The following ACSS3 variants were observed in gnomAD, a reference collection of about 807,000 sequenced individuals.
ACSS3 encodes the protein acyl-CoA synthetase short-chain family member 3, mitochondrial.
In ACSS3, 64 loss-of-function variants were observed where a neutral mutation model predicts 84.2. The observed-to-expected ratio is 0.76, with a 90% CI of 0.62 to 0.94. The LOEUF is 0.94. Among genes scored for constraint, ACSS3 ranks in the 40% least tolerant of loss-of-function variants. The probability of loss-of-function intolerance (pLI) is 0.00; values close to 1 mark genes in which losing one functional copy is unlikely to be tolerated. For synonymous variants in ACSS3, 317 were observed against 310.1 expected (o/e 1.02, Z -0.23); for missense variants, 815 against 867.6 (o/e 0.94, Z 0.76).
chr12:81,197,338 C>T (rs562275696), intron 8 of ACSS3, among the ~76,000 whole-genome samples: 5 of 152,236 alleles, frequency 3.3e-5, no homozygotes, highest in South Asian at 2.1e-4. Context: ...CTCACTACTG[C>T]GGTCAAATGC....
At chr12:81,225,764 T>C (rs1249283849) in intron 11 of ACSS3, among the ~76,000 whole-genome samples, 25 of 151,974 alleles carry the variant, frequency 1.6e-4, no homozygotes, top group Admixed American at 1.6e-3. Context: ...TATCCTTGTA[T>C]CGTTAATGTG....
At chr12:81,235,558 C>T (rs917803870) in intron 13 of ACSS3, among the ~76,000 whole-genome samples, 4 of 151,226 alleles carry the variant, frequency 2.6e-5, no homozygotes, top group African/African-American at 9.7e-5. Context: ...TGTGTTAAAT[C>T]CATATATTGA....
chr12:81,084,912 G>T (rs1334667059), intron 1 of ACSS3, among the ~76,000 whole-genome samples: 4 of 152,196 alleles, frequency 2.6e-5, no homozygotes, highest in African/African-American at 9.6e-5. Flanking sequence ...GCACATTACA[G>T]AGTGAACTGG....
At chr12:81,132,077 T>C (rs1593107348) in intron 2 of ACSS3, among the ~76,000 whole-genome samples, 1 of 152,264 alleles carries the variant, frequency 6.6e-6, no homozygotes, top group Admixed American at 6.5e-5. Flanking sequence ...GGGATATTGG[T>C]CTAAAATTCT....
chr12:81,231,153 A>T lies in ACSS3; in HGVS notation c.1596+15A>T. The stretch of plus-strand genomic sequence containing the variant: ...AAAAATTTCCTGTAAGAACTTTAAT[A>T]TGCTTTTTTATCTTCTTATGTACTT... On this transcript the variant is annotated intron_variant, in intron 12 of 15. Transcript: ENST00000548058. 6.4e-7 allele frequency: 1 copy of T among 1,561,694 alleles called. No homozygotes were observed. The highest frequency in any genetic ancestry group is 8.8e-7 in the Non-Finnish European group (1 of 1,138,102).
At chr12:81,178,281 A>G (rs1243768516) in intron 8 of ACSS3, among the ~76,000 whole-genome samples, 2 of 145,168 alleles carry the variant, frequency 1.4e-5, no homozygotes, top group African/African-American at 5.1e-5. Flanking sequence ...ACATGGACAC[A>G]GGAAGGGGAA....
At chr12:81,129,630 A>AT (rs538305378) in intron 2 of ACSS3, among the ~76,000 whole-genome samples, 309 of 152,018 alleles carry the variant, frequency 2.0e-3, no homozygotes, top group African/African-American at 6.9e-3. Flanking sequence ...AAGGTCTTGA[A>AT]TTTTTTTTAT....
chr12:81,249,833 A>C (rs2034095660), intron 13 of ACSS3, among the ~76,000 whole-genome samples: 1 of 152,088 alleles, frequency 6.6e-6, no homozygotes, highest in Admixed American at 6.6e-5. Flanking sequence ...CCATCTTATG[A>C]GGGTGTTTGA....
chr12:81,139,736 T>C (rs1042210511), intron 4 of ACSS3, among the ~76,000 whole-genome samples: 76 of 151,516 alleles, frequency 5.0e-4, no homozygotes, highest in African/African-American at 1.7e-3. Flanking sequence ...CCTGGGTTCA[T>C]GCCATTCTCC....
rs147370971 is a variant in ACSS3, at chr12:81,181,418, A to G, written c.1250+6479A>G. Among the ~76,000 whole-genome samples, 613 of 152,246 alleles carry G rather than the reference A, an allele frequency of 4.0e-3. 4 individuals are homozygous for G. Among genetic ancestry groups the G allele is most frequent in the African/African-American group, 0.014 (578 of 41,524 alleles). Reference sequence around the variant, plus strand: ...TTTCCCTATGAAAGTCATTCTCTGAAGTTTGGAAGAGGAGACTGTACCAGA... The same window carrying G: ...TTTCCCTATGAAAGTCATTCTCTGAGGTTTGGAAGAGGAGACTGTACCAGA... On this transcript the variant is annotated intron_variant, in intron 8 of 15. Coordinates refer to ENST00000548058, the MANE Select transcript of ACSS3 (RefSeq NM_024560.4).
chr12:81,148,428 T>G (rs1334173696), intron 5 of ACSS3, among the ~76,000 whole-genome samples: 1 of 152,238 alleles, frequency 6.6e-6, no homozygotes, highest in African/African-American at 2.4e-5. Flanking sequence ...GTGATAACTT[T>G]GTGGTCCTAT....
intron 5 of ACSS3, among the ~76,000 whole-genome samples, chr12:81,151,145 A>G (rs532322417): frequency 6.6e-6 from 1 of 152,294 alleles, no homozygotes; most frequent in South Asian, 2.1e-4. Flanking sequence ...TAGGTTGAAT[A>G]TGGTCCCAGT....
intron 5 of ACSS3, among the ~76,000 whole-genome samples, chr12:81,143,946 A>G (rs1045611329): frequency 6.6e-6 from 1 of 152,202 alleles, no homozygotes; most frequent in East Asian, 1.9e-4. Context: ...ACCCTTATAA[A>G]AGATAACAGT....
intron 7 of ACSS3, among the ~76,000 whole-genome samples, chr12:81,166,115 C>T (rs559899505): frequency 1.6e-4 from 25 of 152,224 alleles, no homozygotes; most frequent in Non-Finnish European, 2.6e-4. Context: ...ATTCCCTTGC[C>T]ATAATCTGGA....
At chr12:81,081,979 A>T (rs1029231254) in intron 1 of ACSS3, among the ~76,000 whole-genome samples, 1 of 152,226 alleles carries the variant, frequency 6.6e-6, no homozygotes, top group Non-Finnish European at 1.5e-5. Context: ...CACCCACTGC[A>T]TGTACAGTAC....
intron 2 of ACSS3, among the ~76,000 whole-genome samples, chr12:81,134,115 G>A (rs187007787): frequency 1.6e-4 from 24 of 151,982 alleles, no homozygotes; most frequent in Admixed American, 1.5e-3. Context: ...AAATACAGAG[G>A]AAAGTCATTT....
At chr12:81,135,090 T>A in intron 3 of ACSS3, 86 bp downstream of exon 3, 3 of 1,136,010 alleles carry the variant, frequency 2.6e-6, no homozygotes, top group African/African-American at 1.6e-5. Flanking sequence ...GAGAATGCTC[T>A]ATACTTGTTA....
chr12:81,160,676 CTTATT>C (rs1245415757), intron 7 of ACSS3, among the ~76,000 whole-genome samples: 1 of 152,054 alleles, frequency 6.6e-6, no homozygotes, highest in African/African-American at 2.4e-5. Flanking sequence ...TATTTGGTAA[CTTATT>C]TTATTTTTTA....
chr12:81,105,655 C>T (rs972165048), intron 1 of ACSS3, among the ~76,000 whole-genome samples: 5 of 152,196 alleles, frequency 3.3e-5, no homozygotes, highest in Non-Finnish European at 7.3e-5. Flanking sequence ...TAGTAACATT[C>T]TCATTCATTC....
Sources: gnomAD v4.1 joint callset for allele counts (sites outside exome capture counted in the v4.1 genomes callset) on GRCh38, gnomAD v4.1.1 for gene constraint, MANE v1.5 for transcripts, NCBI Gene and HGNC (gene_info 2026-07-23, HGNC 2026-07-21) for gene names.